DGKB: variants seen among roughly 807,000 people sequenced by gnomAD.
DGKB encodes diacylglycerol kinase beta.
A neutral mutation model predicts 114.3 loss-of-function variants in DGKB; 67 were observed. The observed-to-expected ratio is 0.59, with a 90% CI of 0.48 to 0.72. DGKB has a LOEUF of 0.72. Ranked by LOEUF, DGKB falls within the 30% of genes least tolerant of loss-of-function variation. DGKB has a pLI of 0.00. For missense variants in DGKB, 907 were observed against 975.2 expected (o/e 0.93, Z 0.93); for synonymous variants, 398 against 323.1 (o/e 1.23, Z -2.49).
At position 14,729,126 on chromosome 7, in the gene DGKB, T is replaced by TCTTTTTTTTTTTC. The variant is rs200033811; in HGVS notation, c.322+6914_322+6915insGAAAAAAAAAAAG. Among the ~76,000 whole-genome samples, 785 of 142,126 alleles carry TCTTTTTTTTTTTC rather than the reference T, an allele frequency of 5.5e-3. 10 individuals carry two copies. Among genetic ancestry groups the TCTTTTTTTTTTTC allele is most frequent in the African/African-American group, 0.02 (753 of 37,074 alleles). The allele number at this position is 142,126 out of a possible 152,430, so 93.2% of individuals were successfully genotyped here. On this transcript the variant is annotated intron_variant, in intron 5 of 25. Transcript: ENST00000402815. Reference sequence around the variant, plus strand: ...GGAAACGGGTTTCATTTTCTTTCTTTTTTTTTTTTTTTTTTTGATGGAGTC... The same window carrying TCTTTTTTTTTTTC: ...GGAAACGGGTTTCATTTTCTTTCTTTCTTTTTTTTTTTCTTTTTTTTTTTTTTTTGATGGAGTC...
intron 2 of DGKB, among the ~76,000 whole-genome samples, chr7:14,833,434 A>G (rs1846701004): frequency 6.6e-6 from 1 of 152,120 alleles, no homozygotes; most frequent in Non-Finnish European, 1.5e-5. Flanking sequence ...TTTTATGAAG[A>G]TTGATTTGTT....
At chr7:14,420,474 T>C (rs900761763) in intron 21 of DGKB, among the ~76,000 whole-genome samples, 6 of 151,992 alleles carry the variant, frequency 3.9e-5, no homozygotes, top group Non-Finnish European at 7.4e-5. Context: ...ACTGAGCAGA[T>C]TTGGGTGGGG....
At position 14,145,481 on chromosome 7, in the gene DGKB, C is replaced by T. The variant is rs1436844690; in HGVS notation, c.*3650G>A. 4 of 146,266 alleles carry T rather than the reference C, an allele frequency of 2.7e-5. No homozygotes were observed. Among genetic ancestry groups the T allele is most frequent in the Admixed American group, 2.1e-4 (3 of 14,436 alleles). The allele number at this position is 146,266 out of a possible 1,614,324, so 9.1% of individuals were successfully genotyped here. A position where few individuals can be genotyped will look rare whatever the true frequency, so the allele number is the denominator to read the frequency against. ...TACATTTTCCTTTTTTTTTTTGAGACAGAGTCTGGCTCTGTCACCCAGGCT... is the reference window on the plus strand; with the variant it reads ...TACATTTTCCTTTTTTTTTTTGAGATAGAGTCTGGCTCTGTCACCCAGGCT... On this transcript the variant is annotated 3_prime_UTR_variant, in exon 26 of 26. Transcript: ENST00000402815.
chr7:14,563,250 T>C (rs1796935125), intron 20 of DGKB, among the ~76,000 whole-genome samples: 1 of 152,192 alleles, frequency 6.6e-6, no homozygotes, highest in Non-Finnish European at 1.5e-5. Context: ...TAGTCTTGGG[T>C]CTGTCTTTAT....
At chr7:14,239,760 T>G (rs1055470584) in intron 23 of DGKB, among the ~76,000 whole-genome samples, 1 of 152,000 alleles carries the variant, frequency 6.6e-6, no homozygotes, top group African/African-American at 2.4e-5. Flanking sequence ...CAAGCCTAAG[T>G]GGTAAAATAA....
intron 20 of DGKB, among the ~76,000 whole-genome samples, chr7:14,565,653 G>T (rs1442934578): frequency 6.6e-6 from 1 of 151,936 alleles, no homozygotes; most frequent in Non-Finnish European, 1.5e-5. Context: ...AAAACCTCAG[G>T]ATATTTTATT....
chr7:14,679,057 C>T (rs916325162), intron 12 of DGKB, among the ~76,000 whole-genome samples: 1 of 151,870 alleles, frequency 6.6e-6, no homozygotes, highest in Non-Finnish European at 1.5e-5. Context: ...TAGTGAGATT[C>T]AGGACCACAG....
At chr7:14,960,286 T>C (rs922834567) in intron 1 of DGKB, among the ~76,000 whole-genome samples, 2 of 152,110 alleles carry the variant, frequency 1.3e-5, no homozygotes, top group Non-Finnish European at 2.9e-5. Context: ...TATAACAGCT[T>C]GGAAAATTGT....
At chr7:14,155,708 G>T (rs1782914726) in intron 25 of DGKB, among the ~76,000 whole-genome samples, 1 of 152,090 alleles carries the variant, frequency 6.6e-6, no homozygotes, top group Non-Finnish European at 1.5e-5. Context: ...GATGTGTGGG[G>T]CACTGGAAAA....
At chr7:14,942,364 T>C (rs143460669) in intron 1 of DGKB, among the ~76,000 whole-genome samples, 1 of 152,150 alleles carries the variant, frequency 6.6e-6, no homozygotes. Flanking sequence ...ACAGGATACA[T>C]CTTAATTTAA....
intron 13 of DGKB, among the ~76,000 whole-genome samples, chr7:14,640,716 A>G (rs1010281562): frequency 3.9e-5 from 6 of 152,204 alleles, no homozygotes; most frequent in African/African-American, 1.4e-4. Flanking sequence ...ATGTGACTTA[A>G]TTCTTCACCA....
At chr7:14,526,282 A>C (rs1790630035) in intron 20 of DGKB, among the ~76,000 whole-genome samples, 1 of 152,154 alleles carries the variant, frequency 6.6e-6, no homozygotes, top group South Asian at 2.1e-4. Context: ...ATTGCACATT[A>C]CAAGATGTTT....
intron 4 of DGKB, among the ~76,000 whole-genome samples, chr7:14,740,860 G>C (rs1397313708): frequency 6.6e-6 from 1 of 152,134 alleles, no homozygotes; most frequent in South Asian, 2.1e-4. Context: ...CCCTGTTGTG[G>C]TCACCAGGCC....
intron 20 of DGKB, among the ~76,000 whole-genome samples, chr7:14,545,984 T>A (rs1002170346): frequency 5.3e-5 from 8 of 152,200 alleles, no homozygotes; most frequent in African/African-American, 1.9e-4. Context: ...GTATTGGCTG[T>A]CGTGTAGAGA....
intron 20 of DGKB, among the ~76,000 whole-genome samples, chr7:14,527,287 T>A (rs1015161789): frequency 6.6e-6 from 1 of 152,158 alleles, no homozygotes; most frequent in Non-Finnish European, 1.5e-5. Flanking sequence ...GTTGGCATTA[T>A]CCACTGTATA....
chr7:14,532,012 C>G (rs1791669469), intron 20 of DGKB, among the ~76,000 whole-genome samples: 1 of 150,622 alleles, frequency 6.6e-6, no homozygotes, highest in Non-Finnish European at 1.5e-5. Flanking sequence ...AAACCATATA[C>G]AAAAATTGCA....
intron 21 of DGKB, among the ~76,000 whole-genome samples, chr7:14,410,775 A>C (rs918846250): frequency 7.2e-6 from 1 of 138,990 alleles, no homozygotes; most frequent in Non-Finnish European, 1.6e-5. Flanking sequence ...ATGATATTTT[A>C]AAAATTGTAT....
At chr7:14,285,554 C>A (rs538881526) in intron 23 of DGKB, among the ~76,000 whole-genome samples, 1 of 152,272 alleles carries the variant, frequency 6.6e-6, no homozygotes, top group South Asian at 2.1e-4. Context: ...AGCTGAAAGT[C>A]TCACAGACTA....
chr7:14,901,336 G>T lies in DGKB; in HGVS notation c.-188+1256C>A, dbSNP rs996346299. ...AATTATAGGATAAGAGTAGTCCTTG[G>T]TTACCCATTTTCTAAAGACAGAGGA... On this transcript the variant is annotated intron_variant, in intron 1 of 25. Transcript: ENST00000402815. Among the ~76,000 whole-genome samples, 40 of 152,080 alleles carry T rather than the reference G, an allele frequency of 2.6e-4. 1 individual carries two copies. The highest frequency in any genetic ancestry group is 5.9e-5 in the Non-Finnish European group (4 of 68,004).
Sources: allele counts gnomAD v4.1 joint callset (sites outside exome capture counted in the v4.1 genomes callset), GRCh38; gene constraint gnomAD v4.1.1; transcripts MANE v1.5; gene names NCBI Gene and HGNC (gene_info 2026-07-23, HGNC 2026-07-21).